Variants in ENPP1 observed in about 807,000 individuals in gnomAD.
The protein encoded by ENPP1 is ectonucleotide pyrophosphatase/phosphodiesterase family member 1.
ENPP1 carries 73 observed loss-of-function variants against 122.8 expected under a neutral mutation model. The observed-to-expected ratio is 0.59, with a 90% CI of 0.49 to 0.72. The LOEUF is 0.72. Ranked by LOEUF, ENPP1 falls within the 30% of genes least tolerant of loss-of-function variation. The pLI, the probability that ENPP1 is intolerant of heterozygous loss-of-function variation, is 0.00. For synonymous variants in ENPP1, 367 were observed against 391.6 expected, an observed-to-expected ratio of 0.94 and a Z score of 0.74; for missense variants, 978 against 1,128.1, an observed-to-expected ratio of 0.87 and a Z score of 1.91.
chr6:131,818,608 A>T (rs1377852277), intron 1 of ENPP1, among the ~76,000 whole-genome samples: 1 of 151,568 alleles, frequency 6.6e-6, no homozygotes. Flanking sequence ...AGATCGTGCC[A>T]CTGCACTCCA....
chr6:131,815,723 C>T (rs542457773), intron 1 of ENPP1, among the ~76,000 whole-genome samples: 9 of 144,242 alleles, frequency 6.2e-5, no homozygotes, highest in African/African-American at 1.3e-4. Flanking sequence ...TTTTTTGAAA[C>T]GGAGTTTCAC....
intron 1 of ENPP1, among the ~76,000 whole-genome samples, chr6:131,818,505 G>A (rs1436136259): frequency 1.3e-5 from 2 of 151,912 alleles, no homozygotes; most frequent in East Asian, 1.9e-4. Flanking sequence ...AAAATTAGCC[G>A]GGCATGGTGG....
chr6:131,836,837 G>T (rs1781680628), intron 1 of ENPP1, among the ~76,000 whole-genome samples: 1 of 152,112 alleles, frequency 6.6e-6, no homozygotes, highest in Admixed American at 6.6e-5. Flanking sequence ...TGGAAAGTGC[G>T]GTACTGGCAT....
rs761472991 is a variant in ENPP1 at position 131,874,353 on chromosome 6, A to G, written c.1635+16A>G. ...AAATATGCAAGTGAGTAAACCTATT[A>G]TACTTAATTGGATTAAATCTAAAGA... On this transcript the variant is annotated intron_variant, in intron 16 of 24. Coordinates refer to ENST00000647893, the MANE Select transcript of ENPP1 (RefSeq NM_006208.3). The G allele has an allele frequency of 7.8e-6, 11 of 1,417,666 alleles. No homozygotes were observed. In the Admixed American group the frequency reaches 1.7e-4, roughly 22 times the overall value. The allele number at this position is 1,417,666 out of a possible 1,614,324, so 87.8% of individuals were successfully genotyped here. A position where few individuals can be genotyped will look rare whatever the true frequency, so the allele number is the denominator to read the frequency against.
At chr6:131,869,320 A>C (rs775352628) in intron 12 of ENPP1, 38 bp from the exon 13 acceptor site, 1 of 1,609,346 alleles carries the variant, frequency 6.2e-7, no homozygotes, top group South Asian at 1.1e-5. Flanking sequence ...TTTTTTGTTA[A>C]AGTTACAGCA....
chr6:131,867,429 C>T (rs1782104829), intron 11 of ENPP1, among the ~76,000 whole-genome samples: 1 of 152,064 alleles, frequency 6.6e-6, no homozygotes, highest in African/African-American at 2.4e-5. Context: ...AAAATACATG[C>T]AGTTTGTAAG....
intron 1 of ENPP1, among the ~76,000 whole-genome samples, chr6:131,825,484 G>A (rs190069721): frequency 4.6e-5 from 7 of 152,190 alleles, no homozygotes; most frequent in Non-Finnish European, 7.4e-5. Context: ...TGCCACATCC[G>A]TAGTGCTATG....
At chr6:131,849,311 G>A (rs930919117) in intron 2 of ENPP1, among the ~76,000 whole-genome samples, 5 of 152,144 alleles carry the variant, frequency 3.3e-5, no homozygotes, top group South Asian at 2.1e-4. Context: ...ACCTAGTTAC[G>A]TGTGGAATTA....
At chr6:131,885,541 C>T (rs1782366211) in intron 23 of ENPP1, among the ~76,000 whole-genome samples, 1 of 151,956 alleles carries the variant, frequency 6.6e-6, no homozygotes, top group Non-Finnish European at 1.5e-5. Flanking sequence ...TAAAAAGCAA[C>T]CGTCTGAAGG....
chr6:131,860,452 C>A lies in ENPP1; in HGVS notation c.861C>A (p.Ser287=). The A allele has an allele frequency of 6.3e-7, 1 of 1,588,260 alleles. No individual in the cohort carries two copies. The highest frequency in any genetic ancestry group is 8.6e-7 in the Non-Finnish European group (1 of 1,157,058). The change falls in exon 8 of 25, where the codon TCC becomes TCA. Residue 287 remains serine (S), a synonymous_variant. Coordinates refer to ENST00000647893, the MANE Select transcript of ENPP1 (RefSeq NM_006208.3). The part of the protein sequence containing the change: ...NKMYDPKMNA[S]FSLKSKEKFN... ...TGTATGATCCCAAAATGAATGCTTC[C>A]TTTTCACTTAAAAGTAAAGAGAAAT...
chr6:131,857,006 G>GT (rs1389818634), intron 6 of ENPP1, among the ~76,000 whole-genome samples: 1 of 152,050 alleles, frequency 6.6e-6, no homozygotes, highest in Non-Finnish European at 1.5e-5. Flanking sequence ...CTTTAAAGTA[G>GT]TTTTTTCCAA....
At chr6:131,835,252 A>G (rs189534691) in intron 1 of ENPP1, among the ~76,000 whole-genome samples, 80 of 152,260 alleles carry the variant, frequency 5.3e-4, no homozygotes, top group Admixed American at 1.9e-3. Flanking sequence ...TTTTAATTTG[A>G]TGTTTCATTT....
intron 1 of ENPP1, among the ~76,000 whole-genome samples, chr6:131,840,576 C>T (rs539242110): frequency 2.0e-5 from 3 of 152,280 alleles, no homozygotes; most frequent in East Asian, 3.9e-4. Flanking sequence ...TACATTCCGC[C>T]GAAGGCTCCT....
chr6:131,847,810 G>C lies in ENPP1; in HGVS notation c.275G>C (p.Gly92Ala), dbSNP rs1333586374. Residue 92 changes from glycine to alanine, a missense_variant, in exon 2 of 25, where the codon GGT (glycine) becomes GCT (alanine). Gly to Ala is a moderately conservative substitution (Grantham distance 60). Around this residue, in one of 3 missense-constraint regions of ENPP1, gnomAD observed 330 missense variants for 328.5 expected, o/e 1.00. Transcript: ENST00000647893. Reference protein sequence around the residue: ...LSVCVLTTILGCIFGLKPSCA... With the variant: ...LSVCVLTTILACIFGLKPSCA... Reference sequence around the variant, plus strand: ...GTATGTGTGTTAACAACAATACTTGGTTGTATATTTGGGTTGAAACCAAGC... The same window carrying C: ...GTATGTGTGTTAACAACAATACTTGCTTGTATATTTGGGTTGAAACCAAGC... 1 of 1,611,172 alleles carries C rather than the reference G, an allele frequency of 6.2e-7. No homozygotes were observed. Among genetic ancestry groups the C allele is most frequent in the Non-Finnish European group, 8.5e-7 (1 of 1,179,288 alleles).
At chr6:131,890,236 A>G (rs1782449626) in intron 24 of ENPP1, 105 bp from the exon 25 acceptor site, 1 of 923,140 alleles carries the variant, frequency 1.1e-6, no homozygotes, top group Non-Finnish European at 1.8e-6. Flanking sequence ...GTTCCACTTC[A>G]GAGCTGAAAT....
At chr6:131,821,872 G>A (rs952383886) in intron 1 of ENPP1, among the ~76,000 whole-genome samples, 3 of 152,158 alleles carry the variant, frequency 2.0e-5, no homozygotes, top group Non-Finnish European at 4.4e-5. Flanking sequence ...CGCTTTTTCA[G>A]GTGATGTAAA....
intron 24 of ENPP1, among the ~76,000 whole-genome samples, chr6:131,887,864 CT>C (rs576073873): frequency 0.086 from 9,028 of 104,578 alleles, 266 homozygotes; most frequent in African/African-American, 0.11. Context: ...CGTGCCTGGC[CT>C]TTTTTTTTTT....
At chr6:131,815,871 A>ATTTTTTTTT (rs750091125) in intron 1 of ENPP1, among the ~76,000 whole-genome samples, 80 of 115,784 alleles carry the variant, frequency 6.9e-4, no homozygotes, top group African/African-American at 7.6e-4. Context: ...CACCTGGCTA[A>ATTTTTTTTT]TTTTTTTTTT....
intron 1 of ENPP1, among the ~76,000 whole-genome samples, chr6:131,829,201 C>T (rs911667303): frequency 2.6e-5 from 4 of 152,206 alleles, no homozygotes; most frequent in Admixed American, 2.6e-4. Context: ...CTGTTCTGCA[C>T]CATTAATAAA....
Sources: allele counts gnomAD v4.1 joint callset (sites outside exome capture counted in the v4.1 genomes callset), GRCh38; gene constraint gnomAD v4.1.1; regional missense constraint gnomAD v4.1.1; transcripts MANE v1.5; gene names NCBI Gene and HGNC (gene_info 2026-07-23, HGNC 2026-07-21).